Variants in PCDHA10 observed in about 807,000 individuals in gnomAD.
PCDHA10 encodes the protein protocadherin alpha-10.
In PCDHA10, 45 loss-of-function variants were observed where a neutral mutation model predicts 61.2. That is an observed-to-expected ratio of 0.74 (90% CI 0.58 to 0.94). PCDHA10 has a LOEUF of 0.94. PCDHA10 is among the 40% of genes least tolerant of loss of function. The probability of loss-of-function intolerance (pLI) is 0.00; values close to 1 mark genes in which losing one functional copy is unlikely to be tolerated. For synonymous variants in PCDHA10, 602 were observed against 548.8 expected (o/e 1.10, Z -1.35); for missense variants, 1,278 against 1,236.2 (o/e 1.03, Z -0.51).
intron 3 of PCDHA10, among the ~76,000 whole-genome samples, chr5:141,005,494 G>A (rs1554260099): frequency 2.0e-5 from 3 of 151,700 alleles, no homozygotes; most frequent in Non-Finnish European, 2.9e-5. Flanking sequence ...ATGAGGTCAG[G>A]AGATCGAGAC....
chr5:140,974,979 C>T (rs782292099), intron 1 of PCDHA10, among the ~76,000 whole-genome samples: 6 of 152,136 alleles, frequency 3.9e-5, no homozygotes, highest in African/African-American at 7.2e-5. Context: ...CTGAGTTGTC[C>T]GCTCAGGTAT....
At chr5:140,875,304 A>AC in intron 1 of PCDHA10, 4 of 1,416,396 alleles carry the variant, frequency 2.8e-6, no homozygotes, top group Non-Finnish European at 3.7e-6. Flanking sequence ...TTTTCTCCGC[A>AC]CCCACATTCC....
chr5:140,939,607 A>G (rs1396731179), intron 1 of PCDHA10, among the ~76,000 whole-genome samples: 2 of 152,244 alleles, frequency 1.3e-5, no homozygotes, highest in Non-Finnish European at 2.9e-5. Flanking sequence ...CAAAAACAGA[A>G]CAAGGAGACA....
chr5:140,944,697 T>C (rs1227405627), intron 1 of PCDHA10, among the ~76,000 whole-genome samples: 1 of 152,198 alleles, frequency 6.6e-6, no homozygotes, highest in Non-Finnish European at 1.5e-5. Context: ...ATAACAGTAA[T>C]TATCAGGTTA....
intron 3 of PCDHA10, among the ~76,000 whole-genome samples, chr5:140,993,524 A>ACGGG (rs2097569997): frequency 2.0e-5 from 3 of 147,314 alleles, no homozygotes; most frequent in Admixed American, 2.0e-4. Flanking sequence ...AGAGAGAGAC[A>ACGGG]GAGAGAGAGA....
intron 3 of PCDHA10, among the ~76,000 whole-genome samples, chr5:140,983,182 C>T (rs782457174): frequency 6.6e-6 from 1 of 152,188 alleles, no homozygotes; most frequent in Non-Finnish European, 1.5e-5. Flanking sequence ...CTCACAATTT[C>T]TTAGTTTAGA....
intron 1 of PCDHA10, among the ~76,000 whole-genome samples, chr5:140,922,015 A>G (rs1563050158): frequency 6.6e-6 from 1 of 152,098 alleles, no homozygotes; most frequent in Non-Finnish European, 1.5e-5. Context: ...AGTTTAAAAA[A>G]ATAAATATAA....
At chr5:140,947,622 G>C (rs1435558526) in intron 1 of PCDHA10, among the ~76,000 whole-genome samples, 1 of 151,534 alleles carries the variant, frequency 6.6e-6, no homozygotes, top group East Asian at 1.9e-4. Context: ...TAACAATATT[G>C]AGTCATCAGA....
At chr5:140,923,826 T>C (rs2081533545) in intron 1 of PCDHA10, among the ~76,000 whole-genome samples, 1 of 152,218 alleles carries the variant, frequency 6.6e-6, no homozygotes, top group African/African-American at 2.4e-5. Context: ...TAGACGTCAG[T>C]GGCAGTTTAA....
intron 1 of PCDHA10, chr5:140,869,835 A>T (rs782478328): frequency 1.2e-6 from 2 of 1,611,774 alleles, no homozygotes; most frequent in South Asian, 2.2e-5. Context: ...AGTTTGATAA[A>T]TCAGAATATA....
intron 2 of PCDHA10, among the ~76,000 whole-genome samples, chr5:140,981,156 T>C (rs747008016): frequency 2.9e-4 from 44 of 152,360 alleles, no homozygotes; most frequent in Admixed American, 6.5e-4. Context: ...ATTGAACTTA[T>C]ATGTTGCCTT....
chr5:140,924,057 T>C (rs1337031156), intron 1 of PCDHA10, among the ~76,000 whole-genome samples: 2 of 152,258 alleles, frequency 1.3e-5, no homozygotes, highest in Non-Finnish European at 2.9e-5. Context: ...GGTACATCTT[T>C]ACAGTTGTAT....
intron 1 of PCDHA10, chr5:140,928,422 A>T (rs782264875): frequency 1.2e-6 from 2 of 1,614,136 alleles, no homozygotes; most frequent in Admixed American, 3.3e-5. Context: ...TCACTGCCAA[A>T]ACTTCCTTTG....
chr5:140,943,257 C>CAA lies in PCDHA10; in HGVS notation c.2389-35673_2389-35672dup, dbSNP rs1238620023. Reference sequence around the variant, plus strand: ...TGGGTCACAGAGTGAGACTCTGTCTCAAAAAAAAAAAAAAAAAAAAGAAAG... The same window carrying CAA: ...TGGGTCACAGAGTGAGACTCTGTCTCAAAAAAAAAAAAAAAAAAAAAAGAAAG... On this transcript the variant is annotated intron_variant, in intron 1 of 3. Transcript: ENST00000307360. Among the ~76,000 whole-genome samples the CAA allele has an allele frequency of 2.6e-3, 203 of 77,270 alleles. 1 individual carries two copies. Among genetic ancestry groups the CAA allele is most frequent in the African/African-American group, 9.8e-3 (185 of 18,826 alleles). The allele number at this position is 77,270 out of a possible 152,430, so 50.7% of individuals were successfully genotyped here. A position where few individuals can be genotyped will look rare whatever the true frequency, so the allele number is the denominator to read the frequency against.
intron 1 of PCDHA10, among the ~76,000 whole-genome samples, chr5:140,906,729 G>T (rs1444256364): frequency 1.3e-5 from 2 of 152,184 alleles, no homozygotes; most frequent in Admixed American, 1.3e-4. Flanking sequence ...TGCTGTTGTA[G>T]TTTCCCATTG....
chr5:140,996,557 T>C (rs1200836194), intron 3 of PCDHA10, among the ~76,000 whole-genome samples: 3 of 152,226 alleles, frequency 2.0e-5, no homozygotes, highest in Admixed American at 6.5e-5. Context: ...GTCACTATCT[T>C]GAAGTTCTTG....
intron 1 of PCDHA10, among the ~76,000 whole-genome samples, chr5:140,873,979 T>C (rs1210499789): frequency 6.6e-6 from 1 of 152,156 alleles, no homozygotes; most frequent in Non-Finnish European, 1.5e-5. Context: ...AAAATTAAAG[T>C]TCCTTAGCAT....
chr5:140,938,599 C>T (rs1554212246), intron 1 of PCDHA10, among the ~76,000 whole-genome samples: 1 of 152,048 alleles, frequency 6.6e-6, no homozygotes, highest in African/African-American at 2.4e-5. Flanking sequence ...ATAAACCAAT[C>T]TTGCATTCTT....
chr5:140,857,929 G>A lies in PCDHA10; in HGVS notation c.1881G>A (p.Thr627=). The A allele has an allele frequency of 1.3e-6, 2 of 1,597,764 alleles. No individual in the cohort carries two copies. Among genetic ancestry groups the A allele is most frequent in the Non-Finnish European group, 1.7e-6 (2 of 1,167,530 alleles). The change falls in exon 1 of 4, where the codon ACG becomes ACA. Residue 627 remains threonine, a synonymous_variant. Coordinates refer to ENST00000307360, the MANE Select transcript of PCDHA10 (RefSeq NM_018901.4). ...ARIPFRVGLY[T]GEISTTRALD... ...TCCCGTTTCGCGTGGGGCTGTACAC[G>A]GGCGAGATCAGTACGACGCGCGCTC...
Sources: allele counts gnomAD v4.1 joint callset (sites outside exome capture counted in the v4.1 genomes callset), GRCh38; gene constraint gnomAD v4.1.1; transcripts MANE v1.5; gene names NCBI Gene and HGNC (gene_info 2026-07-23, HGNC 2026-07-21).